ATP10B: variants seen among roughly 807,000 people sequenced by gnomAD.
ATP10B encodes the protein ATPase phospholipid transporting 10B (putative).
In ATP10B, 122 loss-of-function variants were observed where a neutral mutation model predicts 141.2. The observed-to-expected ratio is 0.86, with a 90% CI of 0.75 to 1.00. ATP10B has a LOEUF of 1.00. Among genes scored for constraint, ATP10B ranks in the 50% least tolerant of loss-of-function variants. The pLI, the probability that ATP10B is intolerant of heterozygous loss-of-function variation, is 0.00. For synonymous variants in ATP10B, 685 were observed against 692.0 expected (o/e 0.99, Z 0.16); for missense variants, 1,876 against 1,825.3 (o/e 1.03, Z -0.51).
At chr5:160,880,689 G>T in the ATP10B span, among the ~76,000 whole-genome samples, 1 of 152,076 alleles carries the variant, frequency 6.6e-6, no homozygotes, top group Non-Finnish European at 1.5e-5. Context: ...ATAATACAAT[G>T]GAACAAAGAC....
At chr5:160,601,717 GAA>G (rs1757108716) in intron 21 of ATP10B, among the ~76,000 whole-genome samples, 4 of 152,172 alleles carry the variant, frequency 2.6e-5, no homozygotes, top group Admixed American at 2.0e-4. Context: ...TATTATTGAT[GAA>G]AAGATTAATT....
At chr5:160,797,943 A>C (rs1296344715) in intron 1 of ATP10B, among the ~76,000 whole-genome samples, 3 of 110,272 alleles carry the variant, frequency 2.7e-5, no homozygotes, top group Non-Finnish European at 5.9e-5. Context: ...AAGAAAAGAA[A>C]AAAAGAAAAA....
At chr5:160,649,717 G>A (rs781503304) in intron 7 of ATP10B, among the ~76,000 whole-genome samples, 1 of 152,088 alleles carries the variant, frequency 6.6e-6, no homozygotes, top group East Asian at 1.9e-4. Flanking sequence ...TATCACATTC[G>A]ATACCACAGA....
intron 7 of ATP10B, among the ~76,000 whole-genome samples, chr5:160,668,754 T>A (rs1429168550): frequency 1.3e-5 from 2 of 152,346 alleles, no homozygotes; most frequent in Non-Finnish European, 2.9e-5. Flanking sequence ...GCAAACTCTT[T>A]ATTCTGTTCT....
chr5:160,859,380 A>AT, the ATP10B span, among the ~76,000 whole-genome samples: 1 of 151,440 alleles, frequency 6.6e-6, no homozygotes. Context: ...TGGTTTCAAT[A>AT]TTTTTTTCTT....
At chr5:160,882,662 G>A in the ATP10B span, among the ~76,000 whole-genome samples, 2 of 152,000 alleles carry the variant, frequency 1.3e-5, no homozygotes, top group African/African-American at 4.8e-5. Flanking sequence ...TCAAAGATGA[G>A]TAATCACAAA....
chr5:160,663,571 T>C (rs1230703461), intron 7 of ATP10B, among the ~76,000 whole-genome samples: 2 of 151,850 alleles, frequency 1.3e-5, no homozygotes, highest in African/African-American at 2.4e-5. Flanking sequence ...TTCTCACTCA[T>C]AGATGGGAAT....
chr5:160,821,392 A>AT (rs1483293769), intron 1 of ATP10B, among the ~76,000 whole-genome samples: 4 of 152,130 alleles, frequency 2.6e-5, no homozygotes, highest in Non-Finnish European at 5.9e-5. Flanking sequence ...AAGATATTCC[A>AT]TGTTCATGAA....
At chr5:160,919,223 C>CAAAAAAAAAAAAAAAAAAAAAAAAA in the ATP10B span, among the ~76,000 whole-genome samples, 1 of 26,962 alleles carries the variant, frequency 3.7e-5, no homozygotes, top group African/African-American at 2.0e-4. Flanking sequence ...AACTCCGTCT[C>CAAAAAAAAAAAAAAAAAAAAAAAAA]AAAAAAAAAA....
chr5:160,703,899 GCATGCATGAAAA>G (rs1201041394), intron 3 of ATP10B, among the ~76,000 whole-genome samples: 1 of 152,174 alleles, frequency 6.6e-6, no homozygotes, highest in Non-Finnish European at 1.5e-5. Context: ...TATTATGTTA[GCATGCATGAAAA>G]CAACATTAAT....
intron 10 of ATP10B, among the ~76,000 whole-genome samples, chr5:160,639,593 G>A (rs1759672944): frequency 6.6e-6 from 1 of 152,154 alleles, no homozygotes; most frequent in African/African-American, 2.4e-5. Flanking sequence ...ACAAGGAATA[G>A]AGCCTTCCTT....
chr5:160,566,928 G>A (rs1276872723), intron 25 of ATP10B, among the ~76,000 whole-genome samples: 2 of 152,168 alleles, frequency 1.3e-5, no homozygotes, highest in African/African-American at 4.8e-5. Flanking sequence ...AAGCTGCAAG[G>A]TGACCCCTCT....
chr5:160,847,585 C>T (rs1384405289), intron 1 of ATP10B, among the ~76,000 whole-genome samples: 1 of 152,200 alleles, frequency 6.6e-6, no homozygotes, highest in African/African-American at 2.4e-5. Context: ...ACCAAAGAAA[C>T]ACTGTCTTCT....
intron 15 of ATP10B, 86 bp from the exon 16 acceptor site, chr5:160,618,059 G>T: frequency 9.5e-7 from 1 of 1,049,162 alleles, no homozygotes; most frequent in Non-Finnish European, 1.5e-6. Context: ...TCCTGTAGTA[G>T]ACTACAAATA....
At chr5:160,723,539 G>C (rs1378533184) in intron 2 of ATP10B, among the ~76,000 whole-genome samples, 1 of 152,292 alleles carries the variant, frequency 6.6e-6, no homozygotes, top group South Asian at 2.1e-4. Flanking sequence ...GAGGCAGAGG[G>C]AGTAAGCATA....
At chr5:160,778,661 A>T (rs1770506292) in intron 2 of ATP10B, among the ~76,000 whole-genome samples, 1 of 149,192 alleles carries the variant, frequency 6.7e-6, no homozygotes, top group African/African-American at 2.4e-5. Context: ...GATCACTTTT[A>T]TCCAAAAATA....
chr5:160,672,357 G>A (rs186482682), intron 6 of ATP10B, among the ~76,000 whole-genome samples: 17 of 152,196 alleles, frequency 1.1e-4, no homozygotes, highest in African/African-American at 3.6e-4. Context: ...TGCTCTTCCA[G>A]GTAATACGGT....
At chr5:160,821,773 T>C (rs557420729) in intron 1 of ATP10B, among the ~76,000 whole-genome samples, 2 of 152,062 alleles carry the variant, frequency 1.3e-5, no homozygotes, top group Admixed American at 1.3e-4. Context: ...AGCAGTCTCG[T>C]TAATAAATGG....
At chr5:160,591,677 C>A (rs1363118878) in intron 22 of ATP10B, among the ~76,000 whole-genome samples, 2 of 152,156 alleles carry the variant, frequency 1.3e-5, no homozygotes, top group East Asian at 1.9e-4. Flanking sequence ...CAGAAACAAG[C>A]CTTCTCAGGC....
Sources: allele counts gnomAD v4.1 joint callset (sites outside exome capture counted in the v4.1 genomes callset), GRCh38; gene constraint gnomAD v4.1.1; transcripts MANE v1.5; gene names NCBI Gene and HGNC (gene_info 2026-07-23, HGNC 2026-07-21).